Variants in TBC1D30 observed in about 807,000 individuals in gnomAD.
The protein encoded by TBC1D30 is TBC1 domain family, member 30.
Under a neutral mutation model 63.2 loss-of-function variants are expected in TBC1D30, and 31 were observed. The ratio of observed to expected loss-of-function variants is 0.49; its 90% CI spans 0.37 to 0.66. The LOEUF (loss-of-function observed/expected upper bound fraction) is 0.66. Among genes scored for constraint, TBC1D30 ranks in the 30% least tolerant of loss-of-function variants. The probability of loss-of-function intolerance (pLI) is 0.00; values close to 1 mark genes in which losing one functional copy is unlikely to be tolerated. For missense variants in TBC1D30, 810 were observed against 953.6 expected (o/e 0.85, Z 1.98); for synonymous variants, 307 against 361.5 (o/e 0.85, Z 1.71).
At chr12:64,867,032 C>A in intron 10 of TBC1D30, 129 bp downstream of exon 10, 1 of 1,073,698 alleles carries the variant, frequency 9.3e-7, no homozygotes, top group Non-Finnish European at 1.3e-6. Context: ...CTTTATTAGG[C>A]TAGTCATGGT....
chr12:64,817,896 C>T (rs1371275609), intron 2 of TBC1D30, among the ~76,000 whole-genome samples: 1 of 152,036 alleles, frequency 6.6e-6, no homozygotes, highest in Non-Finnish European at 1.5e-5. Context: ...AACCCCATGT[C>T]TACTAAAAAT....
chr12:64,777,429 T>G (rs536881392), upstream of TBC1D30, among the ~76,000 whole-genome samples: 36 of 152,284 alleles, frequency 2.4e-4, no homozygotes, highest in African/African-American at 8.4e-4. Context: ...ACAAAATCAA[T>G]GTGCAAAAAT....
chr12:64,781,770 A>G (rs977011697), intron 1 of TBC1D30, among the ~76,000 whole-genome samples: 1 of 152,044 alleles, frequency 6.6e-6, no homozygotes, highest in Non-Finnish European at 1.5e-5. Flanking sequence ...GTGAGGCAGA[A>G]TAATTCGATA....
chr12:64,764,457 C>G (rs1403540271), intron 1 of TBC1D30, among the ~76,000 whole-genome samples: 5 of 152,200 alleles, frequency 3.3e-5, no homozygotes, highest in Non-Finnish European at 7.3e-5. Flanking sequence ...ACTTCCATCT[C>G]TGGCCACGAT....
At chr12:64,874,902 T>A in intron 11 of TBC1D30, 99 bp from the exon 12 acceptor site, 1 of 1,128,728 alleles carries the variant, frequency 8.9e-7, no homozygotes, top group Non-Finnish European at 1.2e-6. Flanking sequence ...GGAAGGGATG[T>A]GGTAGACGGG....
intron 8 of TBC1D30, 88 bp from the exon 9 acceptor site, chr12:64,864,580 C>A: frequency 1.1e-6 from 1 of 904,302 alleles, no homozygotes; most frequent in Non-Finnish European, 1.7e-6. Context: ...TCACACTCGA[C>A]TTCATAAAAC....
chr12:64,823,925 T>C (rs181001089), upstream of TBC1D30, among the ~76,000 whole-genome samples: 2 of 152,338 alleles, frequency 1.3e-5, no homozygotes, highest in East Asian at 3.8e-4. Flanking sequence ...ATACAAGTTT[T>C]CTAATTTGTT....
intron 1 of TBC1D30, among the ~76,000 whole-genome samples, chr12:64,784,865 TAAAGTA>T (rs951233502): frequency 5.0e-5 from 4 of 80,008 alleles, no homozygotes; most frequent in African/African-American, 4.0e-4. Context: ...TAAAGTAAAA[TAAAGTA>T]AAAAAAAAAA....
At chr12:64,874,820 C>T (rs890713358) in intron 11 of TBC1D30, among the ~76,000 whole-genome samples, 181 bp from the exon 12 acceptor site, 18 of 152,086 alleles carry the variant, frequency 1.2e-4, no homozygotes, top group Non-Finnish European at 2.4e-4. Context: ...ATTGGTATTC[C>T]AGGCTCTTCG....
intron 1 of TBC1D30, among the ~76,000 whole-genome samples, chr12:64,826,197 G>A (rs1208758092): frequency 2.0e-5 from 3 of 152,142 alleles, no homozygotes; most frequent in Non-Finnish European, 4.4e-5. Flanking sequence ...TAGAAGAAAA[G>A]AAAAGTGGGG....
Position 64,833,595 on chromosome 12 carries a change from A to G in TBC1D30, c.594+1291A>G, listed in dbSNP as rs541616482. 5.9e-5 allele frequency among the ~76,000 whole-genome samples: 9 copies of G among 152,326 alleles called. No individual in the cohort carries two copies. The East Asian group carries it at 1.2e-3, about 20-fold the overall frequency. ...GAATACCTTATTGATACTGTCAATC[A>G]CTGATTAATGTGATGTGGAAAAATA... On this transcript the variant is annotated intron_variant, in intron 5 of 11. Transcript: ENST00000539867.
intron 11 of TBC1D30, among the ~76,000 whole-genome samples, chr12:64,873,906 A>G (rs1332367907): frequency 6.6e-6 from 1 of 152,138 alleles, no homozygotes; most frequent in Non-Finnish European, 1.5e-5. Flanking sequence ...GCCAGATGAC[A>G]TGGACATCAA....
chr12:64,878,925 A>G lies in TBC1D30; in HGVS notation c.*3137A>G, dbSNP rs533282013. On this transcript the variant is annotated 3_prime_UTR_variant, in exon 12 of 12. Transcript: ENST00000539867. ...TACTATTTATTTTTGTCTTAATAAA[A>G]TGAACAATAAATATAGTTTAGCTGC... 24 of 167,674 alleles carry G rather than the reference A, an allele frequency of 1.4e-4. No individual in the cohort carries two copies. Among genetic ancestry groups the G allele is most frequent in the Admixed American group, 4.0e-4 (7 of 17,448 alleles). The allele number at this position is 167,674 out of a possible 1,614,324, so 10.4% of individuals were successfully genotyped here.
intron 1 of TBC1D30, among the ~76,000 whole-genome samples, chr12:64,827,253 C>T (rs971952236): frequency 4.6e-5 from 7 of 152,150 alleles, no homozygotes; most frequent in Non-Finnish European, 8.8e-5. Flanking sequence ...AGTTTCAGAT[C>T]AGCCTGACCA....
At chr12:64,787,742 C>G (rs573254442) in intron 2 of TBC1D30, among the ~76,000 whole-genome samples, 71 of 152,222 alleles carry the variant, frequency 4.7e-4, no homozygotes, top group Non-Finnish European at 4.1e-4. Context: ...TAGATATTAA[C>G]AGATTGCTGC....
At chr12:64,809,456 C>T (rs1873078591) in intron 2 of TBC1D30, among the ~76,000 whole-genome samples, 1 of 152,152 alleles carries the variant, frequency 6.6e-6, no homozygotes, top group African/African-American at 2.4e-5. Context: ...GAGTAATATT[C>T]CATGGTAGAA....
intron 2 of TBC1D30, among the ~76,000 whole-genome samples, chr12:64,796,204 G>A (rs1872256737): frequency 6.6e-6 from 1 of 150,522 alleles, no homozygotes; most frequent in East Asian, 2.0e-4. Flanking sequence ...TCGTTATAAA[G>A]GGGTTGATTT....
chr12:64,795,476 G>C (rs769966623), intron 2 of TBC1D30, among the ~76,000 whole-genome samples: 1 of 152,170 alleles, frequency 6.6e-6, no homozygotes, highest in Non-Finnish European at 1.5e-5. Flanking sequence ...CTTATGAAGA[G>C]AGGAACGAGG....
intron 2 of TBC1D30, 67 bp from the exon 3 acceptor site, chr12:64,828,376 GA>G: frequency 6.8e-6 from 8 of 1,178,888 alleles, no homozygotes; most frequent in Non-Finnish European, 9.7e-6. Context: ...GTCAAGATGG[GA>G]AAAAGATTGC....
Sources: gnomAD v4.1 joint callset for allele counts (sites outside exome capture counted in the v4.1 genomes callset) on GRCh38, gnomAD v4.1.1 for gene constraint, MANE v1.5 for transcripts, NCBI Gene and HGNC (gene_info 2026-07-23, HGNC 2026-07-21) for gene names.